Variants in NEBL observed in about 807,000 individuals in gnomAD.
NEBL encodes nebulette, also known as LIM and SH3 protein 2.
NEBL carries 122 observed loss-of-function variants against 140.2 expected under a neutral mutation model. That is an observed-to-expected ratio of 0.87 (90% CI 0.75 to 1.01). The LOEUF (loss-of-function observed/expected upper bound fraction) is 1.01, where lower values mean the gene tolerates loss of function less well. NEBL is among the 50% of genes least tolerant of loss of function. The pLI is 0.00. For missense variants in NEBL, 1,365 were observed against 1,231.3 expected (o/e 1.11, Z -1.62); for synonymous variants, 436 against 398.9 (o/e 1.09, Z -1.11).
At chr10:21,217,300 G>C (rs1375524158) in intron 3 of NEBL, among the ~76,000 whole-genome samples, 1 of 152,212 alleles carries the variant, frequency 6.6e-6, no homozygotes, top group Non-Finnish European at 1.5e-5. Flanking sequence ...GACAGAGAAA[G>C]CAAAACAATC....
intron 3 of NEBL, among the ~76,000 whole-genome samples, chr10:20,966,953 T>G (rs556940112): frequency 7.2e-5 from 11 of 152,276 alleles, no homozygotes; most frequent in Admixed American, 5.2e-4. Flanking sequence ...AATTGGAGAT[T>G]ATGTAGGTCA....
chr10:20,978,701 G>T (rs1309713447), intron 3 of NEBL, among the ~76,000 whole-genome samples: 3 of 151,680 alleles, frequency 2.0e-5, no homozygotes, highest in Non-Finnish European at 2.9e-5. Context: ...GCTGCAGTGA[G>T]CCGTGATTGT....
chr10:20,992,571 G>C (rs74120589), intron 3 of NEBL, among the ~76,000 whole-genome samples: 44 of 152,192 alleles, frequency 2.9e-4, no homozygotes, highest in African/African-American at 1.0e-3. Context: ...CTTATCAGCA[G>C]ATTTAATAGG....
At chr10:21,286,677 C>CA (rs541909170) in intron 1 of NEBL, among the ~76,000 whole-genome samples, 40 of 152,112 alleles carry the variant, frequency 2.6e-4, no homozygotes, top group Middle Eastern at 3.4e-3. Context: ...TTAAAAAACA[C>CA]AAAAAAATTA....
intron 7 of NEBL, among the ~76,000 whole-genome samples, chr10:20,866,974 C>T (rs900394309): frequency 3.3e-5 from 5 of 151,860 alleles, no homozygotes; most frequent in Admixed American, 3.3e-4. Context: ...AATTCCTTTT[C>T]AAGAATGTTT....
chr10:20,856,348 G>C (rs1241462276), intron 9 of NEBL, among the ~76,000 whole-genome samples: 1 of 152,140 alleles, frequency 6.6e-6, no homozygotes, highest in Non-Finnish European at 1.5e-5. Context: ...ATATTGCATA[G>C]GAGTGGCACG....
intron 2 of NEBL, among the ~76,000 whole-genome samples, chr10:21,248,467 A>G (rs905169261): frequency 6.6e-6 from 1 of 152,202 alleles, no homozygotes; most frequent in Non-Finnish European, 1.5e-5. Flanking sequence ...AATGTCCTCA[A>G]GATTCATCCA....
At chr10:21,044,195 G>A (rs541853019) in intron 2 of NEBL, among the ~76,000 whole-genome samples, 6 of 151,974 alleles carry the variant, frequency 3.9e-5, no homozygotes, top group African/African-American at 1.4e-4. Flanking sequence ...TCAGGAGTTC[G>A]AGACCAGCCT....
upstream of NEBL, among the ~76,000 whole-genome samples, chr10:20,900,141 C>T (rs1192828376): frequency 6.6e-6 from 1 of 152,140 alleles, no homozygotes; most frequent in Non-Finnish European, 1.5e-5. Flanking sequence ...CTCCAAAAGG[C>T]AAAATCTCTG....
intron 16 of NEBL, 123 bp from the exon 17 acceptor site, chr10:20,828,757 T>TA (rs1456947636): frequency 2.8e-5 from 19 of 673,750 alleles, no homozygotes; most frequent in Admixed American, 1.1e-4. Flanking sequence ...TTTACTGACT[T>TA]ACACTCCCAG....
chr10:21,035,901 G>T (rs914953002), intron 2 of NEBL, among the ~76,000 whole-genome samples: 1 of 152,130 alleles, frequency 6.6e-6, no homozygotes, highest in Non-Finnish European at 1.5e-5. Flanking sequence ...GGTAGCTTAG[G>T]CCTGTAATCC....
At chr10:21,134,775 G>A (rs77980334) in intron 2 of NEBL, among the ~76,000 whole-genome samples, 99 of 152,290 alleles carry the variant, frequency 6.5e-4, no homozygotes, top group African/African-American at 2.3e-3. Context: ...CACGTCTTGG[G>A]TGATTACTGA....
At position 21,137,872 on chromosome 10, in the gene NEBL, G is replaced by T. The variant is rs770856346; in HGVS notation, c.164+34511C>A. ...GTAGAAGTATCACTTAAGCCTGGGA[G>T]ACTGGGATCACACCACTGCACTCCA... On this transcript the variant is annotated intron_variant, in intron 2 of 6. Transcript: ENST00000417816. Among the ~76,000 whole-genome samples the T allele has an allele frequency of 2.2e-4, 33 of 150,376 alleles. 1 individual carries two copies. The highest frequency in any genetic ancestry group is 5.9e-4 in the East Asian group (3 of 5,078).
Position 20,812,839 on chromosome 10 carries a change from G to A in NEBL, c.2448C>T (p.Val816=), listed in dbSNP as rs764774216. 2 of 1,613,988 alleles carry A rather than the reference G, an allele frequency of 1.2e-6. No homozygotes were observed. Among genetic ancestry groups the A allele is most frequent in the East Asian group, 2.2e-5 (1 of 44,840 alleles). Reference sequence around the variant, plus strand: ...GGACCCCTTTATAGGCAGCATCGCTGACCACCTGGGTGTTCTTCCTCACTC... The same window carrying A: ...GGACCCCTTTATAGGCAGCATCGCTAACCACCTGGGTGTTCTTCCTCACTC... ...TERVRKNTQV[V]SDAAYKGVHP... is the part of the protein sequence containing the mutation. The change falls in exon 24 of 28, where the codon GTC becomes GTT. Residue 816 remains valine, a synonymous_variant. Transcript: ENST00000377122.
chr10:20,793,100 A>T (rs1836160162), intron 26 of NEBL, among the ~76,000 whole-genome samples: 1 of 152,162 alleles, frequency 6.6e-6, no homozygotes, highest in Non-Finnish European at 1.5e-5. Flanking sequence ...AGCAAGCCAG[A>T]TTGCCTCTAG....
chr10:20,868,124 C>T (rs1844509361), intron 7 of NEBL: 1 of 149,396 alleles, frequency 6.7e-6, no homozygotes, highest in Non-Finnish European at 1.5e-5. Context: ...AAAGAACTGA[C>T]ATCTTTATCT....
intron 26 of NEBL, among the ~76,000 whole-genome samples, chr10:20,805,670 C>T (rs962646050): frequency 2.6e-5 from 4 of 151,958 alleles, no homozygotes; most frequent in East Asian, 3.9e-4. Context: ...CTGGCCAACA[C>T]GGTGAAACCC....
At chr10:21,010,465 C>T (rs1301131591) in intron 3 of NEBL, among the ~76,000 whole-genome samples, 2 of 150,530 alleles carry the variant, frequency 1.3e-5, no homozygotes, top group African/African-American at 2.4e-5. Context: ...TGTTGCCCAG[C>T]CTGGTCTCAA....
intron 2 of NEBL, among the ~76,000 whole-genome samples, chr10:21,122,562 A>C (rs546104995): frequency 6.6e-6 from 1 of 152,332 alleles, no homozygotes; most frequent in Non-Finnish European, 1.5e-5. Context: ...ATAAAGATGT[A>C]CAGATATGCA....
Sources: allele counts gnomAD v4.1 joint callset (sites outside exome capture counted in the v4.1 genomes callset), GRCh38; gene constraint gnomAD v4.1.1; transcripts MANE v1.5; gene names NCBI Gene and HGNC (gene_info 2026-07-23, HGNC 2026-07-21).